Variants in ARHGEF6 observed in about 807,000 individuals in gnomAD.
The protein encoded by ARHGEF6 is rho guanine nucleotide exchange factor 6.
Under a neutral mutation model 70.3 loss-of-function variants are expected in ARHGEF6, and 9 were observed. That is an observed-to-expected ratio of 0.13 (90% CI 0.08 to 0.22). ARHGEF6 has a LOEUF of 0.22. Among genes scored for constraint, ARHGEF6 ranks in the 10% least tolerant of loss-of-function variants. The pLI is 1.00. For synonymous variants in ARHGEF6, 201 were observed against 207.8 expected, an observed-to-expected ratio of 0.97 and a Z score of 0.28; for missense variants, 470 against 563.0, an observed-to-expected ratio of 0.83 and a Z score of 1.67.
chrX:136,740,003 C>CATTATTATT (rs746167958), intron 5 of ARHGEF6, among the ~76,000 whole-genome samples: 12 of 109,786 alleles, frequency 1.1e-4, no homozygotes, highest in African/African-American at 3.7e-4. Context: ...ACCCAAGTTA[C>CATTATTATT]ATTATTATTA....
Position 136,682,064 on chromosome X carries a change from T to C in ARHGEF6, c.1480-96A>G, listed in dbSNP as rs752303506. On this transcript the variant is annotated intron_variant, in intron 13 of 21. Transcript: ENST00000250617. ...TGACCCTCTCAGCAAGGCAAAACTA[T>C]GGCTAGACGTATTTCTCCAGTCTGT... 51 of 643,913 alleles carry C rather than the reference T, an allele frequency of 7.9e-5. No individual in the cohort carries two copies. The South Asian group carries it at 1.1e-3, about 14-fold the overall frequency. 53.1% of individuals were successfully genotyped at this position (643,913 alleles called of 1,213,427 possible).
chrX:136,669,263 T>G (rs191717277), intron 21 of ARHGEF6, among the ~76,000 whole-genome samples: 32 of 112,211 alleles, frequency 2.9e-4, no homozygotes, highest in East Asian at 2.5e-3. Context: ...ACTTTGGGAC[T>G]CTATTGTGAA....
chrX:136,675,212 G>T, intron 18 of ARHGEF6, 116 bp from the exon 19 acceptor site: 4 of 638,089 alleles, frequency 6.3e-6, no homozygotes, highest in Non-Finnish European at 1.0e-5. Flanking sequence ...GTTTGTGAAA[G>T]GCAGGAGAAA....
At chrX:136,705,088 G>A (rs1225493508) in intron 9 of ARHGEF6, among the ~76,000 whole-genome samples, 1 of 111,081 alleles carries the variant, frequency 9.0e-6, no homozygotes, top group African/African-American at 3.3e-5. Flanking sequence ...GTGAAGCCAA[G>A]GTGGGCGGAT....
At chrX:136,741,289 G>A (rs778667113) in intron 5 of ARHGEF6, among the ~76,000 whole-genome samples, 5 of 111,420 alleles carry the variant, frequency 4.5e-5, no homozygotes, top group Non-Finnish European at 9.4e-5. Flanking sequence ...CCATTTATAC[G>A]TGAAGACAAT....
intron 11 of ARHGEF6, among the ~76,000 whole-genome samples, chrX:136,687,682 T>C (rs1442472390): frequency 8.9e-6 from 1 of 111,961 alleles, no homozygotes; most frequent in Non-Finnish European, 1.9e-5. Context: ...TACACACCAA[T>C]GCTTAATGTG....
chrX:136,766,906 C>A (rs1013454767), intron 2 of ARHGEF6, among the ~76,000 whole-genome samples: 4 of 112,384 alleles, frequency 3.6e-5, no homozygotes, highest in African/African-American at 1.3e-4. Context: ...CTGGACAACT[C>A]GCCCCTAAGT....
chrX:136,732,460 C>T (rs901901346), intron 5 of ARHGEF6, among the ~76,000 whole-genome samples: 1 of 112,134 alleles, frequency 8.9e-6, no homozygotes, highest in African/African-American at 3.2e-5. Context: ...GGTTTGTCTG[C>T]CCTCTCCATT....
At chrX:136,707,613 C>T (rs996201244) in intron 8 of ARHGEF6, among the ~76,000 whole-genome samples, 8 of 111,862 alleles carry the variant, frequency 7.2e-5, no homozygotes, top group African/African-American at 2.6e-4. Context: ...CTACATGTTT[C>T]TCTATAAAAT....
chrX:136,741,791 A>C (rs2077045213), intron 5 of ARHGEF6, among the ~76,000 whole-genome samples: 1 of 111,735 alleles, frequency 8.9e-6, no homozygotes, highest in South Asian at 3.7e-4. Context: ...GCTGCCTCCA[A>C]ATATTCACAT....
At chrX:136,768,019 G>A (rs1050420123) in intron 2 of ARHGEF6, among the ~76,000 whole-genome samples, 2 of 111,747 alleles carry the variant, frequency 1.8e-5, no homozygotes, top group Non-Finnish European at 3.8e-5. Context: ...CGGGATTCCC[G>A]GACTCATGGA....
At chrX:136,686,625 C>CATAT (rs796276387) in intron 11 of ARHGEF6, among the ~76,000 whole-genome samples, 87 of 54,963 alleles carry the variant, frequency 1.6e-3, no homozygotes, top group African/African-American at 7.3e-3. Context: ...TATATATACA[C>CATAT]ATATATATAT....
At position 136,734,938 on chromosome X, in the gene ARHGEF6, A is replaced by G. The variant is rs1490807780; in HGVS notation, c.662-2766T>C. Among the ~76,000 whole-genome samples the G allele has an allele frequency of 2.7e-5, 3 of 111,683 alleles. No homozygotes were observed. In the East Asian group the frequency reaches 8.4e-4, roughly 31 times the overall value. On this transcript the variant is annotated intron_variant, in intron 5 of 21. Coordinates refer to ENST00000250617, the MANE Select transcript of ARHGEF6 (RefSeq NM_004840.3). ...CTTAACAAAATTAAACACCTATTCG[A>G]AAAAAAATAACTCATGGAAAAAAAT...
At chrX:136,672,157 GT>G (rs2076231844) in intron 19 of ARHGEF6, 38 bp from the exon 20 acceptor site, 1 of 1,019,116 alleles carries the variant, frequency 9.8e-7, no homozygotes, top group African/African-American at 1.9e-5. Context: ...AGGAGGGAGA[GT>G]TACTAGTGAA....
At chrX:136,773,969 A>T (rs2148687671) in intron 2 of ARHGEF6, 1 of 112,137 alleles carries the variant, frequency 8.9e-6, no homozygotes, top group Non-Finnish European at 1.9e-5. Flanking sequence ...GAGAAAATTA[A>T]GACATACATT....
At chrX:136,743,116 C>G (rs753017799) in intron 5 of ARHGEF6, among the ~76,000 whole-genome samples, 44 of 112,222 alleles carry the variant, frequency 3.9e-4, no homozygotes, top group Admixed American at 3.8e-4. Flanking sequence ...AGCATCAAAG[C>G]GGCCAGACAG....
chrX:136,690,898 C>A, intron 9 of ARHGEF6, 150 bp from the exon 10 acceptor site: 1 of 641,733 alleles, frequency 1.6e-6, no homozygotes, highest in Non-Finnish European at 2.3e-6. Context: ...TGTTTTGGCT[C>A]AACTAAATCA....
At chrX:136,686,586 ATGTGTG>A (rs201537752) in intron 11 of ARHGEF6, among the ~76,000 whole-genome samples, 3,713 of 70,343 alleles carry the variant, frequency 0.053, 344 homozygotes, top group African/African-American at 0.23. Context: ...ATGTGTGTGT[ATGTGTG>A]TGTATATATA....
At chrX:136,668,296 A>C (rs1386037970) in intron 21 of ARHGEF6, 127 bp from the exon 22 acceptor site, 1 of 820,678 alleles carries the variant, frequency 1.2e-6, no homozygotes, top group African/African-American at 2.1e-5. Flanking sequence ...CTCCCTCAGC[A>C]TCTATGACAA....
Sources: allele counts gnomAD v4.1 joint callset (sites outside exome capture counted in the v4.1 genomes callset), GRCh38; gene constraint gnomAD v4.1.1; transcripts MANE v1.5; gene names NCBI Gene and HGNC (gene_info 2026-07-23, HGNC 2026-07-21).